ERBB4: variants seen among roughly 807,000 people sequenced by gnomAD.
ERBB4 encodes the protein erb-b2 receptor tyrosine kinase 4, also known as receptor tyrosine-protein kinase erbB-4.
In ERBB4, 42 loss-of-function variants were observed where a neutral mutation model predicts 158.0. That is an observed-to-expected ratio of 0.27 (90% CI 0.21 to 0.34). The LOEUF is 0.34. Ranked by LOEUF, ERBB4 falls within the 10% of genes least tolerant of loss-of-function variation. ERBB4 has a pLI of 1.00. For synonymous variants in ERBB4, 583 were observed against 558.7 expected, an observed-to-expected ratio of 1.04 and a Z score of -0.61; for missense variants, 1,333 against 1,624.1, an observed-to-expected ratio of 0.82 and a Z score of 3.08.
intron 19 of ERBB4, among the ~76,000 whole-genome samples, chr2:211,614,361 G>A (rs1187049198): frequency 6.6e-6 from 1 of 151,992 alleles, no homozygotes; most frequent in African/African-American, 2.4e-5. Context: ...ATAGCACAAC[G>A]AGGTTACTAT....
intron 2 of ERBB4, among the ~76,000 whole-genome samples, chr2:211,981,637 C>G (rs771923604): frequency 6.6e-6 from 1 of 152,160 alleles, no homozygotes; most frequent in Non-Finnish European, 1.5e-5. Context: ...TCCCTTACAT[C>G]CTGATGTGCT....
chr2:212,177,012 T>C (rs1334712427), intron 1 of ERBB4, among the ~76,000 whole-genome samples: 1 of 151,736 alleles, frequency 6.6e-6, no homozygotes, highest in Non-Finnish European at 1.5e-5. Context: ...GAGAGGAATT[T>C]CAGTATTACT....
chr2:211,964,574 T>A (rs1355807156), intron 2 of ERBB4, among the ~76,000 whole-genome samples: 2 of 152,206 alleles, frequency 1.3e-5, no homozygotes, highest in African/African-American at 2.4e-5. Flanking sequence ...GTCTAGAACT[T>A]GTTCTCTTAA....
At chr2:211,614,758 A>C (rs966714045) in intron 19 of ERBB4, among the ~76,000 whole-genome samples, 1 of 152,092 alleles carries the variant, frequency 6.6e-6, no homozygotes, top group Admixed American at 6.6e-5. Context: ...TGATTAATGT[A>C]ATATCAATTA....
In ERBB4 at chr2:211,722,439, G is replaced by C; in HGVS notation, c.837C>G (p.Phe279Leu). 1 of 1,613,766 alleles carries C rather than the reference G, an allele frequency of 6.2e-7. No homozygotes were observed. The highest frequency in any genetic ancestry group is 8.5e-7 in the Non-Finnish European group (1 of 1,179,744). Residue 279 changes from phenylalanine to leucine, a missense_variant, in exon 7 of 28, where the codon TTC becomes TTG. By Grantham distance (22) the Phe-to-Leu change is conservative. Coordinates refer to ENST00000342788, the MANE Select transcript of ERBB4 (RefSeq NM_005235.3). The part of the protein sequence containing the change: ...NPTTFQLEHN[F>L]NAKYTYGAFC... ...ATGCTCCATATGTGTACTTTGCATT[G>C]AAATTGTGCTCCAGTTGAAAGGTGG...
At chr2:211,868,875 ACTATGT>A (rs1396125924) in intron 3 of ERBB4, among the ~76,000 whole-genome samples, 1 of 152,124 alleles carries the variant, frequency 6.6e-6, no homozygotes, top group Non-Finnish European at 1.5e-5. Flanking sequence ...CGTTACTTTC[ACTATGT>A]CTAAGTCCCA....
Position 212,226,363 on chromosome 2 carries a change from T to C in ERBB4, c.83-101460A>G, listed in dbSNP as rs78578954. Among the ~76,000 whole-genome samples, 3 of 148,990 alleles carry C rather than the reference T, an allele frequency of 2.0e-5. No homozygotes were observed. In the East Asian group the frequency reaches 6.7e-4, roughly 33 times the overall value. On this transcript the variant is annotated intron_variant, in intron 1 of 27. Coordinates refer to ENST00000342788, the MANE Select transcript of ERBB4 (RefSeq NM_005235.3). ...AGACACTCTGAGCAGGATCTAGCCATGCTATACCTGTACCTCTAACCCATG... is the reference window on the plus strand; with the variant it reads ...AGACACTCTGAGCAGGATCTAGCCACGCTATACCTGTACCTCTAACCCATG...
intron 19 of ERBB4, among the ~76,000 whole-genome samples, chr2:211,603,902 G>C (rs1461883176): frequency 6.6e-6 from 1 of 152,182 alleles, no homozygotes; most frequent in Non-Finnish European, 1.5e-5. Context: ...AGGCATAGCT[G>C]TATTCCTGCT....
chr2:212,087,811 G>C (rs2078660977), intron 2 of ERBB4, among the ~76,000 whole-genome samples: 1 of 152,010 alleles, frequency 6.6e-6, no homozygotes, highest in Non-Finnish European at 1.5e-5. Context: ...CATTTTAAAA[G>C]CAGAAAAGGG....
intron 1 of ERBB4, among the ~76,000 whole-genome samples, chr2:212,133,702 C>A (rs763516012): frequency 2.0e-4 from 30 of 151,160 alleles, no homozygotes; most frequent in Non-Finnish European, 1.5e-4. Context: ...TGGTGGCTCA[C>A]GCCTGAAATC....
At position 211,556,124 on chromosome 2, in the gene ERBB4, T is replaced by C. The variant is rs148784042; in HGVS notation, c.2487+5779A>G. Among the ~76,000 whole-genome samples, 774 of 151,766 alleles carry C rather than the reference T, an allele frequency of 5.1e-3. 9 individuals are homozygous for C. The highest frequency in any genetic ancestry group is 0.018 in the African/African-American group (739 of 41,358). ...CAAGCAAATGGAAAACAGAAAAAAA[T>C]AGGGGTTGCAATTCTAATTTCAGAA... On this transcript the variant is annotated intron_variant, in intron 20 of 27. Coordinates refer to ENST00000342788, the MANE Select transcript of ERBB4 (RefSeq NM_005235.3).
intron 20 of ERBB4, among the ~76,000 whole-genome samples, chr2:211,506,829 C>T (rs754024192): frequency 1.3e-5 from 2 of 151,946 alleles, no homozygotes; most frequent in African/African-American, 2.4e-5. Flanking sequence ...TAATGTCACA[C>T]TTCCAACCCC....
intron 1 of ERBB4, among the ~76,000 whole-genome samples, chr2:212,175,554 C>T (rs564345016): frequency 3.3e-5 from 5 of 151,284 alleles, no homozygotes; most frequent in South Asian, 4.2e-4. Flanking sequence ...ATAATTTTCG[C>T]GCTATGTCTA....
At chr2:211,686,321 T>C (rs1319936802) in intron 12 of ERBB4, among the ~76,000 whole-genome samples, 1 of 152,180 alleles carries the variant, frequency 6.6e-6, no homozygotes, top group South Asian at 2.1e-4. Flanking sequence ...GAAACAAGTG[T>C]TAAAATTTTC....
At chr2:212,356,805 A>G (rs2089480576) in intron 1 of ERBB4, among the ~76,000 whole-genome samples, 1 of 151,928 alleles carries the variant, frequency 6.6e-6, no homozygotes. Flanking sequence ...AATTGCTTGA[A>G]CATCACCTAT....
chr2:211,883,084 T>C (rs555619382), intron 3 of ERBB4, among the ~76,000 whole-genome samples: 1 of 152,306 alleles, frequency 6.6e-6, no homozygotes, highest in East Asian at 1.9e-4. Context: ...TAAGAAAATG[T>C]GGCACATATA....
At chr2:212,222,584 C>A (rs1362619839) in intron 1 of ERBB4, among the ~76,000 whole-genome samples, 1 of 151,012 alleles carries the variant, frequency 6.6e-6, no homozygotes, top group Non-Finnish European at 1.5e-5. Context: ...ATACTATATT[C>A]GCCTGGTTTT....
chr2:211,577,451 A>C (rs1278974381), intron 19 of ERBB4, among the ~76,000 whole-genome samples: 5 of 151,894 alleles, frequency 3.3e-5, no homozygotes, highest in African/African-American at 9.7e-5. Flanking sequence ...TTCTTCCCTA[A>C]CTCATTTTAT....
intron 3 of ERBB4, among the ~76,000 whole-genome samples, chr2:211,878,145 C>T (rs975918004): frequency 6.6e-6 from 1 of 152,090 alleles, no homozygotes; most frequent in Non-Finnish European, 1.5e-5. Flanking sequence ...AACAATGTAT[C>T]ACCGTAGAAA....
Sources: allele counts gnomAD v4.1 joint callset (sites outside exome capture counted in the v4.1 genomes callset), GRCh38; gene constraint gnomAD v4.1.1; transcripts MANE v1.5; gene names NCBI Gene and HGNC (gene_info 2026-07-23, HGNC 2026-07-21).